Variants in FRMD4A observed in about 807,000 individuals in gnomAD.
FRMD4A encodes FERM domain containing 4A.
In FRMD4A, 29 loss-of-function variants were observed where a neutral mutation model predicts 129.1. The ratio of observed to expected loss-of-function variants is 0.22; its 90% CI spans 0.17 to 0.31. The LOEUF is 0.31. Ranked by LOEUF, FRMD4A falls within the 10% of genes least tolerant of loss-of-function variation. The pLI is 1.00. For missense variants in FRMD4A, 1,272 were observed against 1,375.8 expected, an observed-to-expected ratio of 0.92 and a Z score of 1.19; for synonymous variants, 634 against 571.6, an observed-to-expected ratio of 1.11 and a Z score of -1.56.
At chr10:13,931,876 G>T (rs1430733297) in intron 2 of FRMD4A, among the ~76,000 whole-genome samples, 1 of 151,872 alleles carries the variant, frequency 6.6e-6, no homozygotes, top group Non-Finnish European at 1.5e-5. Flanking sequence ...TTGAACCCGG[G>T]AGGTGGAGGT....
intron 2 of FRMD4A, among the ~76,000 whole-genome samples, chr10:14,110,972 G>A (rs575597197): frequency 1.1e-4 from 17 of 152,198 alleles, no homozygotes; most frequent in Admixed American, 5.2e-4. Context: ...GGGACTAAAG[G>A]CATGCTAAAA....
chr10:14,291,422 C>A (rs1845847405), intron 2 of FRMD4A, among the ~76,000 whole-genome samples: 3 of 152,102 alleles, frequency 2.0e-5, no homozygotes, highest in African/African-American at 4.8e-5. Flanking sequence ...GGGTCCAGAT[C>A]TTTCTACTAC....
chr10:13,868,352 C>T (rs2094399967), intron 2 of FRMD4A, among the ~76,000 whole-genome samples: 1 of 151,790 alleles, frequency 6.6e-6, no homozygotes. Flanking sequence ...CAAGTGATAC[C>T]ATATTGAAGT....
At chr10:14,083,985 A>C (rs868441352) in intron 2 of FRMD4A, among the ~76,000 whole-genome samples, 37 of 152,206 alleles carry the variant, frequency 2.4e-4, no homozygotes, top group African/African-American at 7.7e-4. Flanking sequence ...TTATACCAAG[A>C]GGAAAATAGT....
intron 2 of FRMD4A, among the ~76,000 whole-genome samples, chr10:14,327,555 C>T (rs1176736388): frequency 6.6e-6 from 1 of 152,196 alleles, no homozygotes; most frequent in Non-Finnish European, 1.5e-5. Flanking sequence ...GAGCACAGGG[C>T]TGTCCAACCC....
intron 2 of FRMD4A, among the ~76,000 whole-genome samples, chr10:14,050,243 G>A (rs73593402): frequency 0.045 from 6,820 of 152,252 alleles, 295 homozygotes; most frequent in African/African-American, 0.12. Context: ...TCACCAAACT[G>A]TTTCCCTGTG....
intron 6 of FRMD4A, among the ~76,000 whole-genome samples, chr10:13,766,097 G>A (rs1481640522): frequency 8.5e-5 from 13 of 152,218 alleles, no homozygotes; most frequent in Admixed American, 7.2e-4. Context: ...CTCTACCTGC[G>A]CGGAGGCGGG....
Position 13,646,710 on chromosome 10 carries a change from GCTCT to G in FRMD4A, c.*324_*327del, listed in dbSNP as rs2081136850. On this transcript the variant is annotated 3_prime_UTR_variant, in exon 25 of 25. Transcript: ENST00000357447. ...AGGTGCCATTGAGGATTGGTGTCTG[GCTCT>G]CTATGGGCAAGAGCGCCAGGGGACA... The G allele has an allele frequency of 6.5e-6, 1 of 152,748 alleles. No homozygotes were observed. Among genetic ancestry groups the G allele is most frequent in the Admixed American group, 6.5e-5 (1 of 15,284 alleles). 9.5% of individuals were successfully genotyped at this position (152,748 alleles called of 1,614,324 possible).
Position 13,740,494 on chromosome 10 carries a change from TG to T in FRMD4A, c.614+17del. On this transcript the variant is annotated intron_variant, in intron 10 of 24. Coordinates refer to ENST00000357447, the MANE Select transcript of FRMD4A (RefSeq NM_018027.5). ...ACACAAACACTGTCCCCATGTGAGC[TG>T]GGAAGGGGCCACTTACTTTACGATT... is the stretch of plus-strand genomic sequence containing the variant. 1 of 1,479,992 alleles carries T rather than the reference TG, an allele frequency of 6.8e-7. No homozygotes were observed. The highest frequency in any genetic ancestry group is 9.4e-7 in the Non-Finnish European group (1 of 1,061,098). 91.7% of individuals were successfully genotyped at this position (1,479,992 alleles called of 1,614,324 possible).
At position 14,054,995 on chromosome 10, in the gene FRMD4A, G is replaced by A. The variant is rs1834440246; in HGVS notation, c.46-196083C>T. Among the ~76,000 whole-genome samples, 4 of 152,092 alleles carry A rather than the reference G, an allele frequency of 2.6e-5. No homozygotes were observed. In the South Asian group the frequency reaches 8.3e-4, roughly 32 times the overall value. On this transcript the variant is annotated intron_variant, in intron 2 of 24. Transcript: ENST00000357447. The stretch of plus-strand genomic sequence containing the variant: ...TCCTTTATAAATTACCCAGTCTCAG[G>A]TATGTCCTTATAGCAGTGTGAGAAT...
chr10:13,713,786 A>AT (rs1285882763), intron 12 of FRMD4A, among the ~76,000 whole-genome samples: 1 of 135,926 alleles, frequency 7.4e-6, no homozygotes, highest in Non-Finnish European at 1.5e-5. Context: ...TATAATATAT[A>AT]TACATATATG....
intron 3 of FRMD4A, among the ~76,000 whole-genome samples, chr10:13,822,066 T>C (rs1293426350): frequency 2.0e-5 from 3 of 152,086 alleles, no homozygotes; most frequent in Admixed American, 6.6e-5. Context: ...TATATATACA[T>C]ACACACACAC....
At chr10:14,247,847 A>T (rs1844299069) in intron 2 of FRMD4A, among the ~76,000 whole-genome samples, 1 of 152,046 alleles carries the variant, frequency 6.6e-6, no homozygotes, top group Non-Finnish European at 1.5e-5. Flanking sequence ...TAATTTTTAA[A>T]ATGCTTCCAA....
intron 2 of FRMD4A, among the ~76,000 whole-genome samples, chr10:14,049,571 A>C (rs1487939871): frequency 6.6e-6 from 1 of 152,200 alleles, no homozygotes; most frequent in African/African-American, 2.4e-5. Flanking sequence ...ATTTCCTCAG[A>C]GGCAGTTGGA....
At chr10:13,986,697 A>AG (rs907056953) in intron 2 of FRMD4A, among the ~76,000 whole-genome samples, 1 of 150,260 alleles carries the variant, frequency 6.7e-6, no homozygotes, top group Non-Finnish European at 1.5e-5. Flanking sequence ...AGGAAAAAAA[A>AG]AAAAGAAAAG....
intron 2 of FRMD4A, among the ~76,000 whole-genome samples, chr10:14,080,419 C>G (rs1835861829): frequency 6.6e-6 from 1 of 151,928 alleles, no homozygotes; most frequent in Admixed American, 6.5e-5. Context: ...AGGAAGGGAG[C>G]CCCCACCTGC....
chr10:13,824,321 C>CG (rs2093669989), intron 3 of FRMD4A, among the ~76,000 whole-genome samples: 1 of 99,046 alleles, frequency 1.0e-5, no homozygotes, highest in Non-Finnish European at 1.9e-5. Flanking sequence ...ACTAAAAATA[C>CG]AAAAAAAAAA....
intron 2 of FRMD4A, among the ~76,000 whole-genome samples, chr10:14,302,254 G>C (rs1039590432): frequency 1.3e-5 from 2 of 152,144 alleles, no homozygotes; most frequent in Non-Finnish European, 2.9e-5. Context: ...GGCTGATCTA[G>C]TTGGTTTGGG....
At chr10:14,309,728 G>A (rs959297890) in intron 2 of FRMD4A, among the ~76,000 whole-genome samples, 4 of 152,018 alleles carry the variant, frequency 2.6e-5, no homozygotes, top group Non-Finnish European at 2.9e-5. Flanking sequence ...GGCTCCGTAT[G>A]CCTCCCTGAA....
Sources: allele counts gnomAD v4.1 joint callset (sites outside exome capture counted in the v4.1 genomes callset), GRCh38; gene constraint gnomAD v4.1.1; transcripts MANE v1.5; gene names NCBI Gene and HGNC (gene_info 2026-07-23, HGNC 2026-07-21).